The following DGAT1 variants were observed in gnomAD, a reference collection of about 807,000 sequenced individuals.
DGAT1 encodes diacylglycerol O-acyltransferase 1, also known as ACAT related gene product 1.
In DGAT1, 60 loss-of-function variants were observed where a neutral mutation model predicts 72.6. The observed-to-expected ratio is 0.83, with a 90% CI of 0.67 to 1.02. DGAT1 has a LOEUF of 1.02. DGAT1 is among the 50% of genes least tolerant of loss of function. DGAT1 has a pLI of 0.00. For synonymous variants in DGAT1, 290 were observed against 267.5 expected, an observed-to-expected ratio of 1.08 and a Z score of -0.82; for missense variants, 592 against 670.0, an observed-to-expected ratio of 0.88 and a Z score of 1.29.
At position 144,326,659 on chromosome 8, in the gene DGAT1, C is replaced by CA. The variant is rs1817603814; in HGVS notation, c.-24dup. On this transcript the variant is annotated 5_prime_UTR_variant, in exon 1 of 17. Transcript: ENST00000528718. ...CATGGCCTCAGCCCGCACCCGGCCG[C>CA]AGCCAAGCGTGGGCCCGCCGGGTTC... 1.4e-5 allele frequency: 16 copies of CA among 1,180,484 alleles called. No homozygotes were observed. In the East Asian group the frequency reaches 6.8e-4, roughly 50 times the overall value. 73.1% of individuals were successfully genotyped at this position (1,180,484 alleles called of 1,614,324 possible).
chr8:144,317,167 C>A lies in DGAT1; in HGVS notation c.1160+20G>T. On this transcript the variant is annotated intron_variant, in intron 14 of 16. Transcript: ENST00000528718. ...GTTCACAGCCATGTTCCACATCACA[C>A]ACACACACACCCCACCTACCTGATG... 6.2e-7 allele frequency: 1 copy of A among 1,608,662 alleles called. No individual in the cohort carries two copies. The highest frequency in any genetic ancestry group is 1.7e-4 in the Middle Eastern group (1 of 6,046).
rs1015415172 is a variant in DGAT1, at chr8:144,317,370, T to A, written c.1057A>T (p.Met353Leu). 6 of 1,613,714 alleles carry A rather than the reference T, an allele frequency of 3.7e-6. No individual in the cohort carries two copies. The highest frequency in any genetic ancestry group is 5.1e-6 in the Non-Finnish European group (6 of 1,179,952). The change falls in exon 13 of 17, where the codon ATG becomes TTG. Residue 353 changes from methionine to leucine, a missense_variant. Met to Leu is a conservative substitution (Grantham distance 15). Transcript: ENST00000528718. ...HSCLNAVAEL[M>L]QFGDREFYRD... ...TAGAACTCCCGGTCTCCAAACTGCA[T>A]GAGCTCAGCCACGGCATTCAGGCAG... is the stretch of plus-strand genomic sequence containing the variant.
Position 144,315,542 on chromosome 8 carries a change from CAAGGT to C in DGAT1, c.*1007_*1011del. ...GTCTTTAATCAAGCAGTCACCCCAG[CAAGGT>C]AAGGCAGCAGCAGGGCCCTGGGGTT... On this transcript the variant is annotated 3_prime_UTR_variant, in exon 17 of 17. Coordinates refer to ENST00000528718, the MANE Select transcript of DGAT1 (RefSeq NM_012079.6). 1.0e-6 allele frequency: 1 copy of C among 985,558 alleles called. No homozygotes were observed. The highest frequency in any genetic ancestry group is 1.2e-6 in the Non-Finnish European group (1 of 830,004). The allele number at this position is 985,558 out of a possible 1,614,324, so 61.1% of individuals were successfully genotyped here.
Position 144,316,288 on chromosome 8 carries a change from AG to A in DGAT1, c.*265del, listed in dbSNP as rs1817216540. On this transcript the variant is annotated 3_prime_UTR_variant, in exon 17 of 17. Coordinates refer to ENST00000528718, the MANE Select transcript of DGAT1 (RefSeq NM_012079.6). ...GCCCCAGGCCCCTGGCAGGCTGAAG[AG>A]GTCACTGGACAGCACTTTATTGACA... 4.4e-6 allele frequency: 2 copies of A among 452,458 alleles called. No individual in the cohort carries two copies. Among genetic ancestry groups the A allele is most frequent in the South Asian group, 6.6e-5 (2 of 30,522 alleles). 28.0% of individuals were successfully genotyped at this position (452,458 alleles called of 1,614,324 possible). A position where few individuals can be genotyped will look rare whatever the true frequency, so the allele number is the denominator to read the frequency against.
Position 144,316,552 on chromosome 8 carries a change from G to C in DGAT1, c.*2C>G. 1.3e-6 allele frequency: 2 copies of C among 1,589,150 alleles called. No individual in the cohort carries two copies. Among genetic ancestry groups the C allele is most frequent in the African/African-American group, 1.3e-5 (1 of 74,622 alleles). The stretch of plus-strand genomic sequence containing the variant: ...GTGAGAAGCCAGGCCCTCAGGTGCA[G>C]CTCAGGCCTCTGCCGCTGGGGCCTC... On this transcript the variant is annotated 3_prime_UTR_variant, in exon 17 of 17. Transcript: ENST00000528718.
intron 1 of DGAT1, 136 bp from the exon 2 acceptor site, chr8:144,321,544 C>A: frequency 1.3e-6 from 1 of 752,284 alleles, no homozygotes; most frequent in South Asian, 1.6e-5. Flanking sequence ...GGAGGAGAAG[C>A]CAGGCAGAGC....
intron 1 of DGAT1, among the ~76,000 whole-genome samples, chr8:144,322,375 G>C (rs1817482475): frequency 6.6e-6 from 1 of 152,236 alleles, no homozygotes; most frequent in Admixed American, 6.5e-5. Flanking sequence ...AACTTTGTAA[G>C]AGGAGAGGCC....
chr8:144,320,799 C>T (rs569265501), intron 2 of DGAT1, among the ~76,000 whole-genome samples: 1 of 152,220 alleles, frequency 6.6e-6, no homozygotes, highest in East Asian at 1.9e-4. Context: ...GCCAGGAGGA[C>T]TGCAGAGTGG....
intron 1 of DGAT1, among the ~76,000 whole-genome samples, chr8:144,326,062 C>T (rs1325726805): frequency 6.6e-6 from 1 of 152,156 alleles, no homozygotes; most frequent in Non-Finnish European, 1.5e-5. Flanking sequence ...AAGAAGGAAC[C>T]TATCACCACA....
chr8:144,317,504 C>T (rs782396625), intron 12 of DGAT1, 40 bp downstream of exon 12: 2 of 1,613,764 alleles, frequency 1.2e-6, no homozygotes, highest in South Asian at 1.1e-5. Context: ...ATGCCACTGT[C>T]CCCTCCTGTC....
intron 1 of DGAT1, among the ~76,000 whole-genome samples, chr8:144,325,874 A>C (rs915889771): frequency 1.8e-4 from 28 of 152,168 alleles, no homozygotes; most frequent in African/African-American, 6.8e-4. Flanking sequence ...TGAATGGGCC[A>C]CGCAGCCACT....
intron 1 of DGAT1, among the ~76,000 whole-genome samples, chr8:144,326,039 C>T (rs550404086): frequency 1.3e-5 from 2 of 152,284 alleles, no homozygotes; most frequent in African/African-American, 4.8e-5. Context: ...CGCAAGGCAC[C>T]GCTCATAGCA....
At chr8:144,316,763 T>A in intron 16 of DGAT1, 54 bp from the exon 17 acceptor site, 1 of 1,600,320 alleles carries the variant, frequency 6.2e-7, no homozygotes, top group Non-Finnish European at 8.5e-7. Context: ...GGCTGGGGGC[T>A]TCAGGGTCCC....
chr8:144,320,012 C>A (rs1166989242), intron 2 of DGAT1, among the ~76,000 whole-genome samples: 1 of 152,234 alleles, frequency 6.6e-6, no homozygotes, highest in East Asian at 1.9e-4. Context: ...CCCGCCTCCC[C>A]CGGCCGCAGG....
chr8:144,325,506 C>T (rs1043226336), intron 1 of DGAT1, among the ~76,000 whole-genome samples: 4 of 152,216 alleles, frequency 2.6e-5, no homozygotes, highest in African/African-American at 7.2e-5. Context: ...CCTTGATAAC[C>T]TCTAGGCCCT....
Position 144,315,986 on chromosome 8 carries a change from G to A in DGAT1, c.*568C>T. ...AGGGCCGACCTCTTCCCAAGCTGAA[G>A]CTGAGCACGGTGGGTGCAAGTTGAC... is the stretch of plus-strand genomic sequence containing the variant. On this transcript the variant is annotated 3_prime_UTR_variant, in exon 17 of 17. Coordinates refer to ENST00000528718, the MANE Select transcript of DGAT1 (RefSeq NM_012079.6). The A allele has an allele frequency of 4.1e-6, 4 of 975,686 alleles. No homozygotes were observed. The highest frequency in any genetic ancestry group is 1.8e-5 in the African/African-American group (1 of 57,142). 60.4% of individuals were successfully genotyped at this position (975,686 alleles called of 1,614,324 possible). A position where few individuals can be genotyped will look rare whatever the true frequency, so the allele number is the denominator to read the frequency against.
chr8:144,326,096 C>A (rs1397181299), intron 1 of DGAT1, among the ~76,000 whole-genome samples: 2 of 152,164 alleles, frequency 1.3e-5, no homozygotes, highest in African/African-American at 4.8e-5. Flanking sequence ...TTATCTGACT[C>A]CTTCCATATA....
chr8:144,318,070 A>G, intron 8 of DGAT1, 25 bp downstream of exon 8: 1 of 1,520,468 alleles, frequency 6.6e-7, no homozygotes, highest in Non-Finnish European at 8.8e-7. Context: ...TGTCCCCCGC[A>G]CCTCAGGCCC....
chr8:144,321,234 T>G, intron 2 of DGAT1, 87 bp downstream of exon 2: 7 of 1,303,968 alleles, frequency 5.4e-6, no homozygotes, highest in Non-Finnish European at 6.7e-6. Flanking sequence ...ACACCCTGGG[T>G]GACAGAGCCT....
Sources: allele counts gnomAD v4.1 joint callset (sites outside exome capture counted in the v4.1 genomes callset), GRCh38; gene constraint gnomAD v4.1.1; transcripts MANE v1.5; gene names NCBI Gene and HGNC (gene_info 2026-07-23, HGNC 2026-07-21).